Variants in ACSL1 observed in about 807,000 individuals in gnomAD.
ACSL1 encodes long-chain-fatty-acid--CoA ligase 1.
In ACSL1, 41 loss-of-function variants were observed where a neutral mutation model predicts 98.4. The ratio of observed to expected loss-of-function variants is 0.42; its 90% confidence interval spans 0.32 to 0.54. The LOEUF (loss-of-function observed/expected upper bound fraction) is 0.54, where lower values mean the gene tolerates loss of function less well. Among genes scored for constraint, ACSL1 ranks in the 20% least tolerant of loss-of-function variants. The pLI is 0.13. For missense variants in ACSL1, 734 were observed against 883.1 expected, an observed-to-expected ratio of 0.83 and a Z score of 2.14; for synonymous variants, 316 against 322.7, an observed-to-expected ratio of 0.98 and a Z score of 0.22.
At chr4:184,811,363 T>C (rs28535270) in intron 1 of ACSL1, among the ~76,000 whole-genome samples, 26,923 of 151,968 alleles carry the variant, frequency 0.18, 2,625 homozygotes, top group Non-Finnish European at 0.22. Flanking sequence ...CTGCCCGCCT[T>C]GGCCTCCCAA....
At chr4:184,823,054 T>A (rs1773191677) in intron 1 of ACSL1, among the ~76,000 whole-genome samples, 1 of 152,214 alleles carries the variant, frequency 6.6e-6, no homozygotes, top group Admixed American at 6.5e-5. Context: ...CTCAACTGCC[T>A]GCAGCTTCAG....
intron 3 of ACSL1, among the ~76,000 whole-genome samples, chr4:184,785,412 C>T (rs1234345908): frequency 6.6e-6 from 1 of 152,100 alleles, no homozygotes; most frequent in Non-Finnish European, 1.5e-5. Context: ...GCAGGGAGCT[C>T]AATCTTTATA....
intron 4 of ACSL1, 86 bp downstream of exon 4, chr4:184,783,841 A>T: frequency 1.5e-6 from 2 of 1,290,530 alleles, no homozygotes. Flanking sequence ...TACACTCTGG[A>T]GAAACCTTCC....
chr4:184,796,969 C>G (rs1201194723), intron 2 of ACSL1, among the ~76,000 whole-genome samples: 1 of 152,202 alleles, frequency 6.6e-6, no homozygotes, highest in Non-Finnish European at 1.5e-5. Flanking sequence ...TTGCAACTGA[C>G]TGTGACAGAC....
In ACSL1 at chr4:184,803,596, C is replaced by G; in HGVS notation, c.-32-50G>C. ...TTCGTTCCAGGGAAGCAGGACCCCTCTCCAGAACTCCAAAATTCCACCGGC... is the reference window on the plus strand; with the variant it reads ...TTCGTTCCAGGGAAGCAGGACCCCTGTCCAGAACTCCAAAATTCCACCGGC... On this transcript the variant is annotated intron_variant, in intron 1 of 20. Transcript: ENST00000281455. The surrounding 1 kb of genome is among the most constrained non-coding windows in gnomAD (Gnocchi z 4.8). 7.8e-7 allele frequency: 1 copy of G among 1,274,008 alleles called. No individual in the cohort carries two copies. The highest frequency in any genetic ancestry group is 1.0e-6 in the Non-Finnish European group (1 of 982,592). 78.9% of individuals were successfully genotyped at this position (1,274,008 alleles called of 1,614,324 possible).
intron 14 of ACSL1, 151 bp from the exon 15 acceptor site, chr4:184,765,076 G>A: frequency 2.6e-6 from 2 of 770,532 alleles, no homozygotes; most frequent in Admixed American, 3.0e-5. Flanking sequence ...TCATTCAATG[G>A]TCCAGTGTGC....
chr4:184,826,039 C>A, upstream of ACSL1: 1 of 147,478 alleles, frequency 6.8e-6, no homozygotes, highest in South Asian at 2.0e-4. Context: ...GGTTGCGCCC[C>A]CGCCACCGCC....
chr4:184,794,076 C>G (rs1768902979), intron 2 of ACSL1, among the ~76,000 whole-genome samples: 1 of 152,204 alleles, frequency 6.6e-6, no homozygotes, highest in Non-Finnish European at 1.5e-5. Flanking sequence ...ATAGACAATA[C>G]CATCCATTTA....
intron 1 of ACSL1, among the ~76,000 whole-genome samples, chr4:184,819,060 G>A (rs550834508): frequency 6.6e-6 from 1 of 152,084 alleles, no homozygotes; most frequent in African/African-American, 2.4e-5. Context: ...CAGGAAAAGT[G>A]CCTCTGAGGA....
intron 16 of ACSL1, 127 bp from the exon 17 acceptor site, chr4:184,762,650 A>G: frequency 5.0e-6 from 4 of 798,930 alleles, no homozygotes; most frequent in Non-Finnish European, 8.4e-6. Flanking sequence ...TCCAGGATGC[A>G]GAGGGAGTTA....
At chr4:184,761,242 T>C (rs1435765941) in intron 17 of ACSL1, among the ~76,000 whole-genome samples, 1 of 152,186 alleles carries the variant, frequency 6.6e-6, no homozygotes, top group Non-Finnish European at 1.5e-5. Context: ...AGTGCCACAG[T>C]AGAATTGGAA....
At chr4:184,809,942 A>G (rs1315383931) in intron 1 of ACSL1, among the ~76,000 whole-genome samples, 1 of 152,222 alleles carries the variant, frequency 6.6e-6, no homozygotes, top group Non-Finnish European at 1.5e-5. Context: ...GCATACATTC[A>G]CATTTTCCTC....
chr4:184,758,236 G>A, intron 18 of ACSL1: 1 of 272,138 alleles, frequency 3.7e-6, no homozygotes, highest in South Asian at 6.2e-5. Context: ...AAGTAAACAA[G>A]GTGATGGATA....
intron 5 of ACSL1, 61 bp from the exon 6 acceptor site, chr4:184,777,044 GA>G: frequency 7.1e-7 from 1 of 1,414,190 alleles, no homozygotes; most frequent in African/African-American, 1.4e-5. Context: ...TCAATAAGGA[GA>G]ACAATACTCA....
chr4:184,773,592 T>C lies in ACSL1; in HGVS notation c.841+71A>G. On this transcript the variant is annotated intron_variant, in intron 9 of 20. Coordinates refer to ENST00000281455, the MANE Select transcript of ACSL1 (RefSeq NM_001995.5). This position sits in a 1 kb window ranked among gnomAD's most constrained non-coding sequence, Gnocchi z 4.3. ...CCGTCTACTGTTAGCTGATAAGTCA[T>C]CCAAAAGAGGTAGGGGAGAGTCCAG... The C allele has an allele frequency of 7.0e-7, 1 of 1,438,752 alleles. No individual in the cohort carries two copies. The highest frequency in any genetic ancestry group is 9.5e-7 in the Non-Finnish European group (1 of 1,054,804). 89.1% of individuals were successfully genotyped at this position (1,438,752 alleles called of 1,614,324 possible). A position where few individuals can be genotyped will look rare whatever the true frequency, so the allele number is the denominator to read the frequency against.
chr4:184,760,751 C>T lies in ACSL1; in HGVS notation c.1639-251G>A, dbSNP rs551174780. ...GGTCCTAGAGCCCGTGCTTATTCAG[C>T]GTCACCACTTGGCACCACTGACTGG... On this transcript the variant is annotated intron_variant, in intron 17 of 20. Transcript: ENST00000281455. 3.9e-5 allele frequency among the ~76,000 whole-genome samples: 6 copies of T among 152,302 alleles called. No individual in the cohort carries two copies. The South Asian group carries it at 8.3e-4, about 21-fold the overall frequency.
chr4:184,765,568 C>T (rs2150287637), intron 14 of ACSL1, among the ~76,000 whole-genome samples: 1 of 152,098 alleles, frequency 6.6e-6, no homozygotes, highest in East Asian at 1.9e-4. Flanking sequence ...TTCAAGAGCT[C>T]CATAGCACCA....
At chr4:184,786,270 C>T (rs1029322806) in intron 3 of ACSL1, among the ~76,000 whole-genome samples, 2 of 152,146 alleles carry the variant, frequency 1.3e-5, no homozygotes, top group Non-Finnish European at 2.9e-5. Flanking sequence ...ACTAGAAATA[C>T]GCTGTGGGAA....
chr4:184,774,682 T>C (rs1205198065), intron 7 of ACSL1, among the ~76,000 whole-genome samples: 1 of 152,170 alleles, frequency 6.6e-6, no homozygotes, highest in Non-Finnish European at 1.5e-5. Flanking sequence ...TGGAACAGCT[T>C]GAATGAGGAT....
Sources: allele counts gnomAD v4.1 joint callset (sites outside exome capture counted in the v4.1 genomes callset), GRCh38; gene constraint gnomAD v4.1.1; non-coding constraint Gnocchi (gnomAD v3.1); transcripts MANE v1.5; gene names NCBI Gene and HGNC (gene_info 2026-07-23, HGNC 2026-07-21).